BCL9L: variants seen among roughly 807,000 people sequenced by gnomAD.
BCL9L encodes the protein BCL9 like, also known as B-cell CLL/lymphoma 9-like protein.
Under a neutral mutation model 99.4 loss-of-function variants are expected in BCL9L, and 19 were observed. The observed-to-expected ratio is 0.19, with a 90% confidence interval of 0.13 to 0.28. The LOEUF is 0.28. Among genes scored for constraint, BCL9L ranks in the 10% least tolerant of loss-of-function variants. BCL9L has a pLI of 1.00. For synonymous variants in BCL9L, 900 were observed against 854.8 expected (o/e 1.05, Z -0.92); for missense variants, 2,023 against 2,101.6 (o/e 0.96, Z 0.73).
rs756665733 is a variant in BCL9L at position 118,902,611 on chromosome 11, C to G, written c.1132G>C (p.Ala378Pro). 6.3e-7 allele frequency: 1 copy of G among 1,599,894 alleles called. No individual in the cohort carries two copies. The highest frequency in any genetic ancestry group is 1.1e-5 in the South Asian group (1 of 91,058). ...GGGGCGGCTGCCTCCCCCAGCAGGG[C>G]AGGGCCGGGGGCACTGCTGGGGTCT... is the stretch of plus-strand genomic sequence containing the variant. Reference protein sequence around the residue: ...GGDPSSAPGPALLGEAAAPGN... With the variant: ...GGDPSSAPGPPLLGEAAAPGN... The change falls in exon 8 of 10, where the codon GCC becomes CCC. Residue 378 changes from alanine to proline, a missense_variant. Coordinates refer to ENST00000683865, the MANE Select transcript of BCL9L (RefSeq NM_001378213.1). The surrounding 1 kb of genome is among the most constrained non-coding windows in gnomAD (Gnocchi z 7.8).
rs1017272324 is a variant in BCL9L at position 118,917,041 on chromosome 11, G to A, written c.-77+1785C>T. Among the ~76,000 whole-genome samples, 4 of 152,336 alleles carry A rather than the reference G, an allele frequency of 2.6e-5. No homozygotes were observed. In the South Asian group the frequency reaches 6.2e-4, roughly 24 times the overall value. On this transcript the variant is annotated intron_variant, in intron 2 of 9. Transcript: ENST00000683865. ...GAAGCCTGAAGATAGCGAGGGAGACGTGTCCTAAGCTCCCTGGGCCTTCTC... is the reference window on the plus strand; with the variant it reads ...GAAGCCTGAAGATAGCGAGGGAGACATGTCCTAAGCTCCCTGGGCCTTCTC...
rs973994646 is a variant in BCL9L, at chr11:118,896,440, AAC to A, written c.*1973_*1974del. ...TGACCCCTCTCTCCTCAGGGCAGGA[AAC>A]ACAGAGTCAGACAGTTTGGGGGGGT... On this transcript the variant is annotated 3_prime_UTR_variant, in exon 10 of 10. Transcript: ENST00000683865. 4 of 152,658 alleles carry A rather than the reference AAC, an allele frequency of 2.6e-5. No homozygotes were observed. The highest frequency in any genetic ancestry group is 5.9e-5 in the Non-Finnish European group (4 of 68,076). 9.5% of individuals were successfully genotyped at this position (152,658 alleles called of 1,614,324 possible).
At position 118,897,622 on chromosome 11, in the gene BCL9L, C is replaced by T. The variant is rs145472817; in HGVS notation, c.*793G>A. 255 of 364,152 alleles carry T rather than the reference C, an allele frequency of 7.0e-4. 1 individual carries two copies. The highest frequency in any genetic ancestry group is 5.1e-3 in the African/African-American group (237 of 46,732). The allele number at this position is 364,152 out of a possible 1,614,324, so 22.6% of individuals were successfully genotyped here. A position where few individuals can be genotyped will look rare whatever the true frequency, so the allele number is the denominator to read the frequency against. On this transcript the variant is annotated 3_prime_UTR_variant, in exon 10 of 10. Coordinates refer to ENST00000683865, the MANE Select transcript of BCL9L (RefSeq NM_001378213.1). The stretch of plus-strand genomic sequence containing the variant: ...TTTACGTCATCTTACCATTTGGGGA[C>T]GAGACAGGAATGGTATCCCTTAGGG...
Position 118,903,048 on chromosome 11 carries a change from C to T in BCL9L, c.776G>A (p.Arg259Gln), listed in dbSNP as rs769620179. Residue 259 changes from arginine to glutamine, a missense_variant, in exon 7 of 10, where the codon CGG becomes CAG. Arg to Gln is a conservative substitution (Grantham distance 43). Transcript: ENST00000683865. This position sits in a 1 kb window ranked among gnomAD's most constrained non-coding sequence, Gnocchi z 5.6. ...NTAAEAVLQGRADSILAYHQQ... is the reference protein window; with the variant it reads ...NTAAEAVLQGQADSILAYHQQ... ...GTGGTAGGCGAGGATGGAGTCGGCC[C>T]GGCCCTGCAGCACTGCCTCTGCAGC... 1.3e-5 allele frequency: 20 copies of T among 1,588,462 alleles called. No homozygotes were observed. Among genetic ancestry groups the T allele is most frequent in the African/African-American group, 6.7e-5 (5 of 74,644 alleles).
intron 5 of BCL9L, among the ~76,000 whole-genome samples, chr11:118,906,276 T>TG (rs1940515622): frequency 6.6e-6 from 1 of 152,088 alleles, no homozygotes; most frequent in Non-Finnish European, 1.5e-5. Context: ...GTGGTGGCTA[T>TG]GGGGGGAGGT....
chr11:118,911,304 C>G (rs969689829), intron 2 of BCL9L: 2 of 454,512 alleles, frequency 4.4e-6, no homozygotes, highest in South Asian at 3.1e-5. Flanking sequence ...GTGCACACTC[C>G]TGATGCTCCC....
chr11:118,904,844 G>T (rs887594303), intron 5 of BCL9L, among the ~76,000 whole-genome samples: 1 of 152,132 alleles, frequency 6.6e-6, no homozygotes, highest in African/African-American at 2.4e-5. Flanking sequence ...CCCTGCTCTG[G>T]ACCCTATCTA....
intron 5 of BCL9L, among the ~76,000 whole-genome samples, chr11:118,904,920 G>A (rs939215527): frequency 1.3e-5 from 2 of 152,230 alleles, no homozygotes; most frequent in Non-Finnish European, 2.9e-5. Context: ...ACCTCAATGT[G>A]TGAAGGCTGC....
chr11:118,913,612 A>C (rs1940875771), intron 2 of BCL9L, among the ~76,000 whole-genome samples: 1 of 152,052 alleles, frequency 6.6e-6, no homozygotes, highest in Non-Finnish European at 1.5e-5. Context: ...CAGGGCAGGA[A>C]GCCCAGGCAG....
At position 118,922,652 on chromosome 11, in the gene BCL9L, C is replaced by T. The variant is rs1321185663; in HGVS notation, c.-131+2586G>A. Among the ~76,000 whole-genome samples, 7 of 152,132 alleles carry T rather than the reference C, an allele frequency of 4.6e-5. No individual in the cohort carries two copies. The highest frequency in any genetic ancestry group is 8.8e-5 in the Non-Finnish European group (6 of 68,006). ...CCAGCCTGTACCCGCTTGGCTCCCA[C>T]GGCTGCCCACTTTCCCACGGTGCCA... On this transcript the variant is annotated intron_variant, in intron 1 of 9. Coordinates refer to ENST00000683865, the MANE Select transcript of BCL9L (RefSeq NM_001378213.1). This position sits in a 1 kb window ranked among gnomAD's most constrained non-coding sequence, Gnocchi z 6.2.
chr11:118,898,304 A>ACCCCCCC lies in BCL9L; in HGVS notation c.*110_*111insGGGGGGG. 2 of 193,444 alleles carry ACCCCCCC rather than the reference A, an allele frequency of 1.0e-5. No homozygotes were observed. Among genetic ancestry groups the ACCCCCCC allele is most frequent in the Admixed American group, 9.2e-5 (1 of 10,840 alleles). 12.0% of individuals were successfully genotyped at this position (193,444 alleles called of 1,614,324 possible). On this transcript the variant is annotated 3_prime_UTR_variant, in exon 10 of 10. Transcript: ENST00000683865. ...CCACTCCCTACACAAGCCCCCTCCC[A>ACCCCCCC]CCCCCTCCACCCCACCCCGCGACCC...
chr11:118,918,654 C>T (rs1941047718), intron 2 of BCL9L, among the ~76,000 whole-genome samples, 172 bp downstream of exon 2: 1 of 151,620 alleles, frequency 6.6e-6, no homozygotes, highest in Non-Finnish European at 1.5e-5. Flanking sequence ...CCAGAGGAGA[C>T]CTCCCTCCTC....
In BCL9L at chr11:118,902,521, C is replaced by T. The variant is rs2137697188; in HGVS notation, c.1222G>A (p.Glu408Lys). The T allele has an allele frequency of 1.2e-6, 2 of 1,605,766 alleles. No homozygotes were observed. Among genetic ancestry groups the T allele is most frequent in the East Asian group, 2.2e-5 (1 of 44,874 alleles). The change falls in exon 8 of 10, where the codon GAA (glutamate) becomes AAA (lysine). Residue 408 changes from glutamate to lysine, a missense_variant. Physicochemically the swap from Glu to Lys is moderately conservative, Grantham distance 56. This residue lies in a region of BCL9L where 1,116 missense variants were observed against 1,194.6 expected (regional missense o/e 0.93). Coordinates refer to ENST00000683865, the MANE Select transcript of BCL9L (RefSeq NM_001378213.1). This position sits in a 1 kb window ranked among gnomAD's most constrained non-coding sequence, Gnocchi z 7.8. ...GLSKEQLEHR[E>K]RSLQTLRDIE... ...TCTCGCAGCGTCTGGAGGGACCGTT[C>T]CCGATGCTCCAGCTGCTCTTTGGAC...
chr11:118,899,539 A>T, intron 9 of BCL9L, 31 bp from the exon 10 acceptor site: 1 of 1,600,790 alleles, frequency 6.2e-7, no homozygotes. Context: ...GGGGTCAGGC[A>T]CGGTGTGCCC....
At chr11:118,909,487 C>A (rs757651467) in intron 3 of BCL9L, among the ~76,000 whole-genome samples, 149 of 152,288 alleles carry the variant, frequency 9.8e-4, no homozygotes, top group Middle Eastern at 6.8e-3. Context: ...CTGCTGCTGC[C>A]GCCTGGCCCT....
In BCL9L at chr11:118,901,265, A is replaced by G. The variant is rs1940218992; in HGVS notation, c.2478T>C (p.Ser826=). The change falls in exon 8 of 10, where the codon AGT becomes AGC. Residue 826 remains serine (S), a synonymous_variant. Coordinates refer to ENST00000683865, the MANE Select transcript of BCL9L (RefSeq NM_001378213.1). The surrounding 1 kb of genome is among the most constrained non-coding windows in gnomAD (Gnocchi z 6.6). ...EMARVRAQNS[S]GVMGGPQKML... is the part of the protein sequence containing the mutation. ...TCTTCTGCGGGCCGCCCATCACGCC[A>G]CTGCTGTTCTGGGCCCGAACCCGGG... 1 of 1,613,676 alleles carries G rather than the reference A, an allele frequency of 6.2e-7. No individual in the cohort carries two copies. Among genetic ancestry groups the G allele is most frequent in the Non-Finnish European group, 8.5e-7 (1 of 1,179,920 alleles).
chr11:118,909,521 G>C (rs1343497659), intron 3 of BCL9L, among the ~76,000 whole-genome samples: 3 of 152,232 alleles, frequency 2.0e-5, no homozygotes, highest in East Asian at 1.9e-4. Flanking sequence ...TCCGGGGAGG[G>C]GGGAGGGAGG....
chr11:118,912,245 G>T (rs1216518799), intron 2 of BCL9L, among the ~76,000 whole-genome samples: 3 of 152,266 alleles, frequency 2.0e-5, no homozygotes, highest in African/African-American at 7.2e-5. Context: ...AAAGCACCCA[G>T]TGAAGGGGGC....
chr11:118,908,771 T>C, intron 3 of BCL9L, 116 bp from the exon 4 acceptor site: 1 of 817,432 alleles, frequency 1.2e-6, no homozygotes, highest in Non-Finnish European at 1.9e-6. Context: ...GGGGAAGGGG[T>C]GGTATCTCAA....
Sources: gnomAD v4.1 joint callset for allele counts (sites outside exome capture counted in the v4.1 genomes callset) on GRCh38, gnomAD v4.1.1 for gene constraint, gnomAD v4.1.1 regional missense constraint, Gnocchi (gnomAD v3.1) non-coding constraint, MANE v1.5 for transcripts, NCBI Gene and HGNC (gene_info 2026-07-23, HGNC 2026-07-21) for gene names.